NTRK2: variants seen among roughly 807,000 people sequenced by gnomAD.
NTRK2 encodes the protein BDNF/NT-3 growth factors receptor.
In NTRK2, 13 loss-of-function variants were observed where a neutral mutation model predicts 94.5. The observed-to-expected ratio is 0.14, with a 90% confidence interval of 0.09 to 0.22. The LOEUF is 0.22. NTRK2 is among the 10% of genes least tolerant of loss of function. NTRK2 has a pLI of 1.00. For synonymous variants in NTRK2, 372 were observed against 407.4 expected (o/e 0.91, Z 1.05); for missense variants, 639 against 1,071.2 (o/e 0.60, Z 5.63).
At chr9:84,785,998 G>T (rs958494360) in intron 12 of NTRK2, among the ~76,000 whole-genome samples, 2 of 152,102 alleles carry the variant, frequency 1.3e-5, no homozygotes, top group South Asian at 2.1e-4. Flanking sequence ...CAGTGTGAAA[G>T]GAACTGAGAA....
chr9:84,696,181 T>A (rs2060363224), intron 2 of NTRK2, among the ~76,000 whole-genome samples: 1 of 152,158 alleles, frequency 6.6e-6, no homozygotes, highest in South Asian at 2.1e-4. Context: ...AGCTAATTTT[T>A]AAATTTTGTG....
chr9:84,676,245 T>C (rs1169150412), intron 2 of NTRK2, among the ~76,000 whole-genome samples: 1 of 152,162 alleles, frequency 6.6e-6, no homozygotes, highest in African/African-American at 2.4e-5. Flanking sequence ...TGAAGTTCCC[T>C]GAAGCCTCGG....
At chr9:84,970,489 G>A (rs939397146) in intron 17 of NTRK2, among the ~76,000 whole-genome samples, 1 of 152,172 alleles carries the variant, frequency 6.6e-6, no homozygotes, top group Non-Finnish European at 1.5e-5. Context: ...CTACCTCATA[G>A]CAGGCACTTT....
intron 2 of NTRK2, among the ~76,000 whole-genome samples, chr9:84,694,932 C>T (rs1437573842): frequency 1.3e-5 from 2 of 151,566 alleles, no homozygotes; most frequent in African/African-American, 4.8e-5. Context: ...AATGCCAGCA[C>T]TTCAGGAGAC....
chr9:85,015,677 G>A (rs368573648), intron 17 of NTRK2, among the ~76,000 whole-genome samples: 2 of 152,200 alleles, frequency 1.3e-5, no homozygotes. Context: ...AGAGCTACAC[G>A]AAGAGCACTA....
intron 17 of NTRK2, among the ~76,000 whole-genome samples, chr9:84,983,529 G>C (rs1295187898): frequency 6.6e-6 from 1 of 152,084 alleles, no homozygotes; most frequent in Non-Finnish European, 1.5e-5. Context: ...TATTTCCCTA[G>C]GACCACTTAG....
chr9:84,853,629 G>A (rs1163552870), intron 12 of NTRK2, among the ~76,000 whole-genome samples: 1 of 152,114 alleles, frequency 6.6e-6, no homozygotes, highest in Admixed American at 6.5e-5. Flanking sequence ...AGTGTTTATT[G>A]AGTGTTTATG....
chr9:84,980,780 G>A (rs1016714752), intron 17 of NTRK2, among the ~76,000 whole-genome samples: 79 of 152,352 alleles, frequency 5.2e-4, no homozygotes, highest in African/African-American at 1.7e-3. Context: ...TTGGGCTTGG[G>A]TAGCATGTCC....
intron 8 of NTRK2, among the ~76,000 whole-genome samples, chr9:84,726,703 T>A (rs2062485483): frequency 6.6e-6 from 1 of 152,210 alleles, no homozygotes; most frequent in Admixed American, 6.5e-5. Context: ...CCTTGCTCAG[T>A]AACCTTGATG....
chr9:84,713,156 A>G (rs941645759), intron 6 of NTRK2, among the ~76,000 whole-genome samples: 1 of 152,150 alleles, frequency 6.6e-6, no homozygotes, highest in African/African-American at 2.4e-5. Flanking sequence ...CCTGATTACT[A>G]TTGAGTATCT....
At position 84,907,688 on chromosome 9, in the gene NTRK2, C is replaced by CTT. The variant is rs199660493; in HGVS notation, c.1634-26458_1634-26457dup. ...CCTCTTCGGAGGCATTACTCTTCTT[C>CTT]TTTTTTTTTTTTTTTTTGAGTAACA... On this transcript the variant is annotated intron_variant, in intron 14 of 18. Transcript: ENST00000277120. 7.7e-4 allele frequency among the ~76,000 whole-genome samples: 103 copies of CTT among 133,886 alleles called. 1 individual carries two copies. Among genetic ancestry groups the CTT allele is most frequent in the South Asian group, 4.1e-3 (17 of 4,182 alleles). The allele number at this position is 133,886 out of a possible 152,430, so 87.8% of individuals were successfully genotyped here.
chr9:84,689,322 C>T (rs2059907433), intron 2 of NTRK2, among the ~76,000 whole-genome samples: 1 of 152,144 alleles, frequency 6.6e-6, no homozygotes, highest in Non-Finnish European at 1.5e-5. Context: ...TCGTGTAGGA[C>T]CTGGTGTGCT....
chr9:84,819,498 G>C (rs1182211705), intron 12 of NTRK2, among the ~76,000 whole-genome samples: 1 of 152,162 alleles, frequency 6.6e-6, no homozygotes, highest in African/African-American at 2.4e-5. Flanking sequence ...CAGGCTCCTG[G>C]GTCTTGGGGA....
rs61035000 is a variant in NTRK2 at position 84,944,192 on chromosome 9, T to TTC, written c.1765-4247_1765-4246dup. Among the ~76,000 whole-genome samples the TTC allele has an allele frequency of 2.6e-3, 348 of 135,190 alleles. 2 individuals carry two copies. The highest frequency in any genetic ancestry group is 9.4e-3 in the South Asian group (40 of 4,272). 88.7% of individuals were successfully genotyped at this position (135,190 alleles called of 152,430 possible). A position where few individuals can be genotyped will look rare whatever the true frequency, so the allele number is the denominator to read the frequency against. On this transcript the variant is annotated intron_variant, in intron 15 of 18. Coordinates refer to ENST00000277120, the MANE Select transcript of NTRK2 (RefSeq NM_006180.6). ...TGGCGTTTCAAAAAAGAAAAGCTTG[T>TTC]TCTCTCTCTCTCTCTCTCTCTCTCA...
intron 12 of NTRK2, among the ~76,000 whole-genome samples, chr9:84,797,644 TATA>T (rs1459794353): frequency 3.6e-5 from 2 of 55,514 alleles, no homozygotes; most frequent in Non-Finnish European, 5.9e-5. Context: ...TTATATATAC[TATA>T]ATAATATATA....
At chr9:84,751,916 A>T in intron 11 of NTRK2, 70 bp from the exon 12 acceptor site, 1 of 1,172,022 alleles carries the variant, frequency 8.5e-7, no homozygotes, top group Non-Finnish European at 1.3e-6. Flanking sequence ...CATCGTCATG[A>T]TCATCATCAC....
chr9:84,946,205 ATGAC>A (rs902980383), intron 15 of NTRK2, among the ~76,000 whole-genome samples: 1 of 152,208 alleles, frequency 6.6e-6, no homozygotes. Flanking sequence ...TCTAACCTTA[ATGAC>A]TGACTGTAGT....
chr9:84,715,716 A>G (rs1261604933), intron 6 of NTRK2, among the ~76,000 whole-genome samples: 2 of 152,148 alleles, frequency 1.3e-5, no homozygotes, highest in South Asian at 2.1e-4. Flanking sequence ...ATCATCTCGT[A>G]TAAAAAATCT....
chr9:84,795,406 T>C (rs985764422), intron 12 of NTRK2, among the ~76,000 whole-genome samples: 1 of 152,098 alleles, frequency 6.6e-6, no homozygotes, highest in Admixed American at 6.5e-5. Context: ...ACAGAGGAAC[T>C]ATGGATGTTC....
Sources: allele counts gnomAD v4.1 joint callset (sites outside exome capture counted in the v4.1 genomes callset), GRCh38; gene constraint gnomAD v4.1.1; transcripts MANE v1.5; gene names NCBI Gene and HGNC (gene_info 2026-07-23, HGNC 2026-07-21).